NLRP5: variants seen among roughly 807,000 people sequenced by gnomAD.
The protein encoded by NLRP5 is NACHT, LRR and PYD domains-containing protein 5.
A neutral mutation model predicts 113.1 loss-of-function variants in NLRP5; 93 were observed. The ratio of observed to expected loss-of-function variants is 0.82; its 90% confidence interval spans 0.70 to 0.98. The LOEUF is 0.98. Among genes scored for constraint, NLRP5 ranks in the 50% least tolerant of loss-of-function variants. The probability of loss-of-function intolerance (pLI) is 0.00; values close to 1 mark genes in which losing one functional copy is unlikely to be tolerated. For missense variants in NLRP5, 1,808 were observed against 1,514.3 expected (o/e 1.19, Z -3.22); for synonymous variants, 751 against 600.7 (o/e 1.25, Z -3.66).
At chr19:56,055,085 C>T (rs188716856) in intron 13 of NLRP5, among the ~76,000 whole-genome samples, 12 of 149,760 alleles carry the variant, frequency 8.0e-5, no homozygotes, top group Middle Eastern at 3.4e-3. Flanking sequence ...CTGGAATCTC[C>T]GCCTTCCGAG....
chr19:56,034,775 G>T (rs1752728567), intron 9 of NLRP5, among the ~76,000 whole-genome samples: 1 of 152,112 alleles, frequency 6.6e-6, no homozygotes, highest in Admixed American at 6.6e-5. Context: ...GCCATTCAAT[G>T]CTATGGAGTA....
At chr19:56,058,028 CAAAA>C (rs10659776) in intron 13 of NLRP5, among the ~76,000 whole-genome samples, 1,783 of 115,680 alleles carry the variant, frequency 0.015, 45 homozygotes, top group African/African-American at 0.053. Flanking sequence ...AATGCTATCT[CAAAA>C]AAAAAAAAAA....
At chr19:56,046,201 A>G (rs1210676345) in intron 11 of NLRP5, among the ~76,000 whole-genome samples, 2 of 152,170 alleles carry the variant, frequency 1.3e-5, no homozygotes, top group Non-Finnish European at 2.9e-5. Context: ...TCCTGCATCT[A>G]TTGAAATCAC....
At chr19:56,056,339 C>T (rs1984151198) in intron 13 of NLRP5, among the ~76,000 whole-genome samples, 1 of 152,034 alleles carries the variant, frequency 6.6e-6, no homozygotes, top group Admixed American at 6.6e-5. Flanking sequence ...GGGTGGATCA[C>T]CTGAGGTCAA....
chr19:56,054,719 G>A (rs965300207), intron 13 of NLRP5, among the ~76,000 whole-genome samples: 2 of 152,110 alleles, frequency 1.3e-5, no homozygotes, highest in African/African-American at 2.4e-5. Context: ...CGTACATAAA[G>A]TAGAGGGGTT....
intron 13 of NLRP5, among the ~76,000 whole-genome samples, chr19:56,055,828 A>G (rs1256187298): frequency 6.6e-6 from 1 of 152,064 alleles, no homozygotes; most frequent in Non-Finnish European, 1.5e-5. Context: ...TACAGGCATA[A>G]GCCACCGCGC....
At chr19:55,995,487 C>T (rs532949285), upstream of NLRP5, among the ~76,000 whole-genome samples, 2 of 152,228 alleles carry the variant, frequency 1.3e-5, no homozygotes, top group East Asian at 1.9e-4. Flanking sequence ...ATGACAGTGC[C>T]ATGCTGTTTT....
At chr19:56,006,411 A>G (rs910366666) in intron 2 of NLRP5, among the ~76,000 whole-genome samples, 2 of 146,008 alleles carry the variant, frequency 1.4e-5, no homozygotes, top group African/African-American at 5.2e-5. Context: ...GTACCCTAGA[A>G]CTTAAAGTAT....
upstream of NLRP5, among the ~76,000 whole-genome samples, chr19:55,995,324 G>A (rs1353306450): frequency 6.6e-6 from 1 of 152,028 alleles, no homozygotes; most frequent in African/African-American, 2.4e-5. Flanking sequence ...AAACCTGCAC[G>A]TTGTGCACAT....
rs78205574 is a variant in NLRP5, at chr19:56,035,821, T to C, written c.2615+2112T>C. Among the ~76,000 whole-genome samples the C allele has an allele frequency of 2.4e-3, 358 of 152,142 alleles. 14 individuals carry two copies. The East Asian group carries it at 0.065, about 28-fold the overall frequency. On this transcript the variant is annotated intron_variant, in intron 9 of 14. Coordinates refer to ENST00000390649, the MANE Select transcript of NLRP5 (RefSeq NM_153447.4). ...CAGCTAAGTCTCTAAATGGGAGACT[T>C]TGACATTGGAAGATGGATTGGGCCA...
chr19:56,017,432 T>G (rs1982451409), intron 4 of NLRP5, among the ~76,000 whole-genome samples: 1 of 152,166 alleles, frequency 6.6e-6, no homozygotes, highest in Non-Finnish European at 1.5e-5. Flanking sequence ...AAATTTTCCT[T>G]TATGCACGGC....
the NLRP5 span, among the ~76,000 whole-genome samples, chr19:55,989,049 T>A: frequency 6.6e-6 from 1 of 152,172 alleles, no homozygotes. Context: ...TAGAAAAGCT[T>A]ATTTTCTTGC....
chr19:56,023,920 A>C (rs1982713380), intron 6 of NLRP5, among the ~76,000 whole-genome samples: 1 of 152,154 alleles, frequency 6.6e-6, no homozygotes, highest in Non-Finnish European at 1.5e-5. Context: ...TTTAAGGTAA[A>C]TAGTAGTACC....
At chr19:56,014,715 C>G (rs1421569387) in intron 3 of NLRP5, among the ~76,000 whole-genome samples, 1 of 152,090 alleles carries the variant, frequency 6.6e-6, no homozygotes, top group Non-Finnish European at 1.5e-5. Flanking sequence ...ATATTCTTGT[C>G]TAAAATCACA....
chr19:55,998,798 C>G (rs1981482421), upstream of NLRP5, among the ~76,000 whole-genome samples: 3 of 149,172 alleles, frequency 2.0e-5, no homozygotes, highest in Non-Finnish European at 4.4e-5. Context: ...CCTAAATCCA[C>G]TTTTATTTTT....
At chr19:55,987,901 G>C in the NLRP5 span, 1 of 1,613,144 alleles carries the variant, frequency 6.2e-7, no homozygotes, top group East Asian at 2.2e-5. Flanking sequence ...GCCTATCCCA[G>C]ATTAATCCTT....
intron 2 of NLRP5, among the ~76,000 whole-genome samples, chr19:56,005,790 C>T (rs1347846182): frequency 1.3e-5 from 2 of 152,164 alleles, no homozygotes. Flanking sequence ...GAAGAGAGTG[C>T]ATAAAAATGA....
chr19:56,060,752 T>C (rs1226799874), intron 14 of NLRP5, among the ~76,000 whole-genome samples: 2 of 152,048 alleles, frequency 1.3e-5, no homozygotes, highest in Admixed American at 1.3e-4. Flanking sequence ...TTTTATTCTA[T>C]AGGGAACATG....
chr19:56,044,253 G>C (rs185074771), intron 11 of NLRP5, among the ~76,000 whole-genome samples: 1 of 151,574 alleles, frequency 6.6e-6, no homozygotes, highest in African/African-American at 2.4e-5. Flanking sequence ...TAGTAGAGAC[G>C]GGGTTTCACT....
Sources: gnomAD v4.1 joint callset for allele counts (sites outside exome capture counted in the v4.1 genomes callset) on GRCh38, gnomAD v4.1.1 for gene constraint, MANE v1.5 for transcripts, NCBI Gene and HGNC (gene_info 2026-07-23, HGNC 2026-07-21) for gene names.